Variants in PCDHGA6 observed in about 807,000 individuals in gnomAD.
The protein encoded by PCDHGA6 is protocadherin gamma-A6.
In PCDHGA6, 41 loss-of-function variants were observed where a neutral mutation model predicts 60.6. The observed-to-expected ratio is 0.68, with a 90% CI of 0.53 to 0.88. The LOEUF (loss-of-function observed/expected upper bound fraction) is 0.88, where lower values mean the gene tolerates loss of function less well. Ranked by LOEUF, PCDHGA6 falls within the 40% of genes least tolerant of loss-of-function variation. The pLI, the probability that PCDHGA6 is intolerant of heterozygous loss-of-function variation, is 0.00. For missense variants in PCDHGA6, 1,312 were observed against 1,203.0 expected, an observed-to-expected ratio of 1.09 and a Z score of -1.34; for synonymous variants, 594 against 524.4, an observed-to-expected ratio of 1.13 and a Z score of -1.81.
At chr5:141,437,529 C>T (rs1205365959) in intron 1 of PCDHGA6, among the ~76,000 whole-genome samples, 1 of 152,102 alleles carries the variant, frequency 6.6e-6, no homozygotes, top group African/African-American at 2.4e-5. Flanking sequence ...GACAAATGAG[C>T]AAATTGTATC....
intron 2 of PCDHGA6, among the ~76,000 whole-genome samples, chr5:141,498,451 T>C (rs1426888821): frequency 6.6e-6 from 1 of 152,126 alleles, no homozygotes; most frequent in Non-Finnish European, 1.5e-5. Context: ...AGGTTCCTTT[T>C]ATCCAGTCTA....
At chr5:141,401,935 T>C (rs1026278615) in intron 1 of PCDHGA6, among the ~76,000 whole-genome samples, 4 of 152,240 alleles carry the variant, frequency 2.6e-5, no homozygotes, top group African/African-American at 9.6e-5. Flanking sequence ...CTTAGAATAA[T>C]GTTTAAGACC....
chr5:141,479,435 G>C (rs2099495981), intron 1 of PCDHGA6: 1 of 152,218 alleles, frequency 6.6e-6, no homozygotes, highest in Non-Finnish European at 1.5e-5. Context: ...TCAATCCACT[G>C]TCTGCACTAA....
chr5:141,440,075 T>C (rs2098148518), intron 1 of PCDHGA6: 1 of 152,428 alleles, frequency 6.6e-6, no homozygotes, highest in Non-Finnish European at 1.5e-5. Flanking sequence ...TGAGGAATAA[T>C]ACTTCATTCT....
intron 1 of PCDHGA6, among the ~76,000 whole-genome samples, chr5:141,434,259 G>A (rs1452016594): frequency 6.6e-6 from 1 of 152,230 alleles, no homozygotes; most frequent in Non-Finnish European, 1.5e-5. Flanking sequence ...CATTGTGGGG[G>A]AGGTGGAAAT....
rs77976889 is a variant in PCDHGA6, at chr5:141,493,704, G to C, written c.2425-1103G>C. On this transcript the variant is annotated intron_variant, in intron 1 of 3. Transcript: ENST00000517434. This position sits in a 1 kb window ranked among gnomAD's most constrained non-coding sequence, Gnocchi z 4.3. ...GTGCTGGTGACTCCCGATACACCTG[G>C]AATGCTAGGTTTCTGGGTTCTGCTC... Among the ~76,000 whole-genome samples the C allele has an allele frequency of 1.7e-3, 258 of 152,278 alleles. 2 individuals are homozygous for C. The highest frequency in any genetic ancestry group is 5.7e-3 in the African/African-American group (237 of 41,540).
chr5:141,409,159 G>C, intron 1 of PCDHGA6: 1 of 1,614,014 alleles, frequency 6.2e-7, no homozygotes, highest in East Asian at 2.2e-5. Flanking sequence ...CCATGGAAGT[G>C]GAAGCGAAGG....
intron 1 of PCDHGA6, chr5:141,415,512 T>C (rs997659180): frequency 1.9e-6 from 3 of 1,614,234 alleles, no homozygotes; most frequent in Non-Finnish European, 2.5e-6. Context: ...AGCCCAATTA[T>C]GCGGACACGC....
In PCDHGA6 at chr5:141,432,847, G is replaced by A. The variant is rs768265171; in HGVS notation, c.2424+56340G>A. On this transcript the variant is annotated intron_variant, in intron 1 of 3. Transcript: ENST00000517434. The surrounding 1 kb of genome is among the most constrained non-coding windows in gnomAD (Gnocchi z 6.0). Reference sequence around the variant, plus strand: ...ACCTCACTCTGTACCTGGTGGTAGCGGTGGCCGCGGTCTCCTGCGTCTTCC... The same window carrying A: ...ACCTCACTCTGTACCTGGTGGTAGCAGTGGCCGCGGTCTCCTGCGTCTTCC... 5.0e-6 allele frequency: 8 copies of A among 1,614,180 alleles called. No homozygotes were observed. The highest frequency in any genetic ancestry group is 6.8e-6 in the Non-Finnish European group (8 of 1,179,994).
intron 1 of PCDHGA6, chr5:141,426,875 C>T (rs1005769074): frequency 8.8e-6 from 4 of 456,566 alleles, no homozygotes; most frequent in African/African-American, 4.0e-5. Context: ...TGGAGAAGCC[C>T]CTGGGCCAGG....
intron 1 of PCDHGA6, chr5:141,423,975 A>T: frequency 8.9e-7 from 1 of 1,126,024 alleles, no homozygotes; most frequent in Non-Finnish European, 1.1e-6. Flanking sequence ...TTATCAGTGT[A>T]TGAGGCTCTC....
intron 1 of PCDHGA6, chr5:141,423,427 G>A: frequency 1.2e-6 from 2 of 1,614,010 alleles, no homozygotes; most frequent in Non-Finnish European, 1.7e-6. Flanking sequence ...AGGCGGGTTG[G>A]CAGGTATGCC....
At chr5:141,384,723 G>A (rs1780414266) in intron 1 of PCDHGA6, 1 of 1,614,142 alleles carries the variant, frequency 6.2e-7, no homozygotes, top group Non-Finnish European at 8.5e-7. Flanking sequence ...CATACCTCCT[G>A]CTTAAGGCCA....
chr5:141,387,947 G>C (rs1240846942), intron 1 of PCDHGA6: 25 of 1,484,496 alleles, frequency 1.7e-5, no homozygotes, highest in Non-Finnish European at 2.2e-5. Context: ...TTCTCTTCCT[G>C]CTGTCTTTGT....
chr5:141,436,743 C>A (rs991678215), intron 1 of PCDHGA6, among the ~76,000 whole-genome samples: 3 of 152,158 alleles, frequency 2.0e-5, no homozygotes, highest in Non-Finnish European at 4.4e-5. Flanking sequence ...TTTTTGTGTG[C>A]TTCTCCATAT....
rs372235829 is a variant in PCDHGA6, at chr5:141,381,798, C to CTCTTTCTTTCTT, written c.2424+5304_2424+5315dup. On this transcript the variant is annotated intron_variant, in intron 1 of 3. Transcript: ENST00000517434. ...ATCAGGAACAAGGCAAGGCAATTCC[C>CTCTTTCTTTCTT]TCTTTCTTTCTTTCTTTCTTTCTTC... 5.9e-4 allele frequency among the ~76,000 whole-genome samples: 85 copies of CTCTTTCTTTCTT among 144,150 alleles called. 1 individual carries two copies. Among genetic ancestry groups the CTCTTTCTTTCTT allele is most frequent in the African/African-American group, 2.2e-3 (83 of 37,512 alleles). 94.6% of individuals were successfully genotyped at this position (144,150 alleles called of 152,430 possible).
At chr5:141,436,305 T>C (rs2097810667) in intron 1 of PCDHGA6, among the ~76,000 whole-genome samples, 1 of 152,184 alleles carries the variant, frequency 6.6e-6, no homozygotes. Flanking sequence ...AGTTAGAGCA[T>C]GAATAGTCAA....
chr5:141,388,631 G>T, intron 1 of PCDHGA6: 2 of 1,613,960 alleles, frequency 1.2e-6, no homozygotes, highest in Non-Finnish European at 1.7e-6. Context: ...TATACAGGGT[G>T]AGCCTTTCAG....
chr5:141,383,924 A>T (rs1215078494), intron 1 of PCDHGA6: 1 of 1,613,832 alleles, frequency 6.2e-7, no homozygotes, highest in Non-Finnish European at 8.5e-7. Context: ...GATGTAAATG[A>T]TAATGCTCCA....
Sources: gnomAD v4.1 joint callset for allele counts (sites outside exome capture counted in the v4.1 genomes callset) on GRCh38, gnomAD v4.1.1 for gene constraint, Gnocchi (gnomAD v3.1) non-coding constraint, MANE v1.5 for transcripts, NCBI Gene and HGNC (gene_info 2026-07-23, HGNC 2026-07-21) for gene names.